The following KAT2B variants were observed in gnomAD, a reference collection of about 807,000 sequenced individuals.
The protein encoded by KAT2B is lysine acetyltransferase 2B.
In KAT2B, 36 loss-of-function variants were observed where a neutral mutation model predicts 105.9. The observed-to-expected ratio is 0.34, with a 90% CI of 0.26 to 0.45. The LOEUF (loss-of-function observed/expected upper bound fraction) is 0.45, where lower values mean the gene tolerates loss of function less well. Ranked by LOEUF, KAT2B falls within the 20% of genes least tolerant of loss-of-function variation. The pLI, the probability that KAT2B is intolerant of heterozygous loss-of-function variation, is 1.00. For synonymous variants in KAT2B, 397 were observed against 377.9 expected, an observed-to-expected ratio of 1.05 and a Z score of -0.59; for missense variants, 820 against 1,021.6, an observed-to-expected ratio of 0.80 and a Z score of 2.69.
rs1218697717 is a variant in KAT2B at position 20,040,801 on chromosome 3, G to T, written c.303+21G>T. 2.5e-6 allele frequency: 4 copies of T among 1,576,762 alleles called. No homozygotes were observed. In the East Asian group the frequency reaches 7.4e-5, roughly 29 times the overall value. The stretch of plus-strand genomic sequence containing the variant: ...GCAAGGTACGCGCTCGCCGCTCTCG[G>T]ACCGCGGATGGGTGCTAGGGGCCCA... On this transcript the variant is annotated intron_variant, in intron 1 of 17. Coordinates refer to ENST00000263754, the MANE Select transcript of KAT2B (RefSeq NM_003884.5).
At chr3:20,140,917 G>A (rs1699685166) in intron 13 of KAT2B, among the ~76,000 whole-genome samples, 1 of 150,968 alleles carries the variant, frequency 6.6e-6, no homozygotes, top group Admixed American at 6.6e-5. Flanking sequence ...AAAATATGGT[G>A]ACATATTTTA....
At chr3:20,124,180 G>A (rs1334310226) in intron 9 of KAT2B, among the ~76,000 whole-genome samples, 1 of 152,108 alleles carries the variant, frequency 6.6e-6, no homozygotes, top group East Asian at 1.9e-4. Context: ...TTACAGATTA[G>A]CTGAGTTTAG....
chr3:20,115,239 G>T (rs531081326), intron 7 of KAT2B, among the ~76,000 whole-genome samples: 1 of 152,206 alleles, frequency 6.6e-6, no homozygotes, highest in Non-Finnish European at 1.5e-5. Flanking sequence ...TATAATGGTG[G>T]ATAGTGAGTG....
chr3:20,148,342 T>C (rs1310294098), intron 16 of KAT2B, 36 bp downstream of exon 16: 3 of 1,610,780 alleles, frequency 1.9e-6, no homozygotes, highest in Non-Finnish European at 2.5e-6. Context: ...TGCAAATATT[T>C]TGAAATGATT....
At chr3:20,076,617 C>G (rs1575119260) in intron 2 of KAT2B, among the ~76,000 whole-genome samples, 1 of 152,320 alleles carries the variant, frequency 6.6e-6, no homozygotes, top group South Asian at 2.1e-4. Flanking sequence ...GGACTCAGCA[C>G]CCAGCTCTAA....
chr3:20,069,558 C>G (rs1254096727), intron 1 of KAT2B, among the ~76,000 whole-genome samples: 1 of 147,246 alleles, frequency 6.8e-6, no homozygotes, highest in Non-Finnish European at 1.5e-5. Flanking sequence ...CAGAGTCTCA[C>G]TCTGTCGCTC....
At position 20,140,300 on chromosome 3, in the gene KAT2B, G is replaced by T; in HGVS notation, c.1940G>T (p.Gly647Val). 6.2e-7 allele frequency: 1 copy of T among 1,612,816 alleles called. No homozygotes were observed. Among genetic ancestry groups the T allele is most frequent in the Non-Finnish European group, 8.5e-7 (1 of 1,178,874 alleles). ...IKDYEGATLM[G>V]CELNPRIPYT... Reference sequence around the variant, plus strand: ...GATTATGAAGGAGCCACTTTAATGGGATGTGAGCTAAATCCACGGATCCCG... The same window carrying T: ...GATTATGAAGGAGCCACTTTAATGGTATGTGAGCTAAATCCACGGATCCCG... The change falls in exon 13 of 18, where the codon GGA (glycine) becomes GTA (valine). Residue 647 changes from glycine to valine, a missense_variant. Transcript: ENST00000263754.
At chr3:20,052,804 C>T (rs1453913980) in intron 1 of KAT2B, among the ~76,000 whole-genome samples, 2 of 152,008 alleles carry the variant, frequency 1.3e-5, no homozygotes, top group Non-Finnish European at 2.9e-5. Flanking sequence ...CCCATGTCTA[C>T]TAAAAAAACA....
intron 8 of KAT2B, among the ~76,000 whole-genome samples, chr3:20,121,539 A>G (rs1055038032): frequency 5.9e-5 from 9 of 152,148 alleles, no homozygotes; most frequent in South Asian, 4.1e-4. Context: ...GATTGCATCT[A>G]CTTGATAGGC....
chr3:20,091,489 T>A (rs1367677947), intron 2 of KAT2B, among the ~76,000 whole-genome samples: 3 of 152,122 alleles, frequency 2.0e-5, no homozygotes, highest in African/African-American at 7.2e-5. Flanking sequence ...TTGTTTCCAT[T>A]TATTTCTGCT....
intron 1 of KAT2B, among the ~76,000 whole-genome samples, chr3:20,062,118 A>AAAACATATAATATATATTATATAT (rs1698127517): frequency 4.5e-5 from 3 of 67,388 alleles, no homozygotes; most frequent in African/African-American, 2.5e-4. Flanking sequence ...ATATTATATA[A>AAAACATATAATATATATTATATAT]AACATATATA....
chr3:20,055,297 A>G (rs1478244608), intron 1 of KAT2B, among the ~76,000 whole-genome samples: 1 of 152,198 alleles, frequency 6.6e-6, no homozygotes, highest in Non-Finnish European at 1.5e-5. Context: ...ATTGTTATTT[A>G]ATGTGCCAGG....
chr3:20,148,639 A>G (rs1318914257), intron 17 of KAT2B, 152 bp downstream of exon 17: 6 of 594,660 alleles, frequency 1.0e-5, no homozygotes, highest in Non-Finnish European at 1.8e-5. Flanking sequence ...CGGGTCAGTG[A>G]TGGCAGAGAA....
At chr3:20,096,949 A>AAGAGAG (rs3062235) in intron 3 of KAT2B, among the ~76,000 whole-genome samples, 14 of 150,174 alleles carry the variant, frequency 9.3e-5, no homozygotes, top group Admixed American at 2.0e-4. Context: ...AATAATAGGA[A>AAGAGAG]AGAGAGAGAG....
At chr3:20,100,966 A>C (rs1431976063) in intron 4 of KAT2B, 3 of 322,300 alleles carry the variant, frequency 9.3e-6, no homozygotes, top group Middle Eastern at 7.2e-4. Flanking sequence ...ATTATTCTGC[A>C]CAACAGTCAT....
At chr3:20,114,309 A>T (rs1699169737) in intron 6 of KAT2B, among the ~76,000 whole-genome samples, 1 of 152,174 alleles carries the variant, frequency 6.6e-6, no homozygotes, top group South Asian at 2.1e-4. Context: ...TAGTTTCTTC[A>T]TCTGTGAAAT....
chr3:20,118,315 T>C lies in KAT2B; in HGVS notation c.1151-1283T>C, dbSNP rs905753279. Among the ~76,000 whole-genome samples the C allele has an allele frequency of 2.1e-3, 307 of 144,558 alleles. 1 individual carries two copies. The highest frequency in any genetic ancestry group is 7.5e-3 in the African/African-American group (294 of 39,182). The allele number at this position is 144,558 out of a possible 152,430, so 94.8% of individuals were successfully genotyped here. A position where few individuals can be genotyped will look rare whatever the true frequency, so the allele number is the denominator to read the frequency against. On this transcript the variant is annotated intron_variant, in intron 7 of 17. Coordinates refer to ENST00000263754, the MANE Select transcript of KAT2B (RefSeq NM_003884.5). The stretch of plus-strand genomic sequence containing the variant: ...AATTATTTATATATAGGTATATATA[T>C]TTTCTCCTAAATTTGTGTGTGTGTG...
intron 1 of KAT2B, among the ~76,000 whole-genome samples, chr3:20,047,559 T>C (rs1697835575): frequency 6.6e-6 from 1 of 151,882 alleles, no homozygotes; most frequent in East Asian, 1.9e-4. Context: ...CACAACCCAG[T>C]GTTATGACTT....
At chr3:20,134,825 G>A (rs1402349586) in intron 11 of KAT2B, among the ~76,000 whole-genome samples, 1 of 152,152 alleles carries the variant, frequency 6.6e-6, no homozygotes, top group Non-Finnish European at 1.5e-5. Flanking sequence ...AAAATTTTGA[G>A]TAGCCATATT....
Sources: allele counts gnomAD v4.1 joint callset (sites outside exome capture counted in the v4.1 genomes callset), GRCh38; gene constraint gnomAD v4.1.1; transcripts MANE v1.5; gene names NCBI Gene and HGNC (gene_info 2026-07-23, HGNC 2026-07-21).